L3MBTL4: variants seen among roughly 807,000 people sequenced by gnomAD.
L3MBTL4 encodes the protein lethal(3)malignant brain tumor-like protein 4.
In L3MBTL4, 70 loss-of-function variants were observed where a neutral mutation model predicts 84.5. That is an observed-to-expected ratio of 0.83 (90% CI 0.68 to 1.01). The LOEUF (loss-of-function observed/expected upper bound fraction) is 1.01. L3MBTL4 is among the 50% of genes least tolerant of loss of function. The probability of loss-of-function intolerance (pLI) is 0.00; values close to 1 mark genes in which losing one functional copy is unlikely to be tolerated. For synonymous variants in L3MBTL4, 274 were observed against 259.8 expected (o/e 1.05, Z -0.52); for missense variants, 715 against 754.8 (o/e 0.95, Z 0.62).
chr18:5,961,990 C>G (rs717844), intron 17 of L3MBTL4, among the ~76,000 whole-genome samples: 1 of 151,660 alleles, frequency 6.6e-6, no homozygotes, highest in Non-Finnish European at 1.5e-5. Context: ...ACTGTGCTGG[C>G]TATATATACT....
rs1555762326 is a variant in L3MBTL4 at position 6,405,616 on chromosome 18, A to AAACACAGGTGCTGGGCCCGAGGGCCCC, written c.-91+9184_-91+9185insGGGGCCCTCGGGCCCAGCACCTGTGTT. ...ATACAGGAAATGAGCCCGAGGGCCCACTAAACACAGGGGCTGGGCGCGAGG... is the reference window on the plus strand; with the variant it reads ...ATACAGGAAATGAGCCCGAGGGCCCAAACACAGGTGCTGGGCCCGAGGGCCCCCTAAACACAGGGGCTGGGCGCGAGG... On this transcript the variant is annotated intron_variant, in intron 1 of 18. Coordinates refer to ENST00000317931, the MANE Select transcript of L3MBTL4 (RefSeq NM_001330559.2). Among the ~76,000 whole-genome samples, 461 of 151,594 alleles carry AAACACAGGTGCTGGGCCCGAGGGCCCC rather than the reference A, an allele frequency of 3.0e-3. 4 individuals carry two copies. Among genetic ancestry groups the AAACACAGGTGCTGGGCCCGAGGGCCCC allele is most frequent in the African/African-American group, 0.01 (433 of 41,312 alleles).
At chr18:6,079,709 CT>C (rs893733946) in intron 16 of L3MBTL4, among the ~76,000 whole-genome samples, 19 of 151,440 alleles carry the variant, frequency 1.3e-4, no homozygotes, top group South Asian at 6.3e-4. Context: ...AACACTGGCA[CT>C]TTTTTTTTAA....
chr18:6,376,553 G>A (rs2144275856), intron 1 of L3MBTL4, among the ~76,000 whole-genome samples: 1 of 152,204 alleles, frequency 6.6e-6, no homozygotes, highest in Middle Eastern at 3.4e-3. Context: ...AGCCTGGGCT[G>A]GGGAGACCCC....
chr18:6,347,105 T>C (rs2052946512), intron 1 of L3MBTL4, among the ~76,000 whole-genome samples: 2 of 152,060 alleles, frequency 1.3e-5, no homozygotes, highest in African/African-American at 4.8e-5. Flanking sequence ...TCTCTTTATA[T>C]GTGAGATCCA....
At chr18:6,363,923 G>A (rs1196346060) in intron 1 of L3MBTL4, among the ~76,000 whole-genome samples, 3 of 151,478 alleles carry the variant, frequency 2.0e-5, no homozygotes, top group Non-Finnish European at 4.4e-5. Flanking sequence ...ATGCTCCCTC[G>A]ACATCTAACA....
chr18:6,256,691 T>C (rs2048155286), intron 5 of L3MBTL4: 1 of 152,012 alleles, frequency 6.6e-6, no homozygotes, highest in Admixed American at 6.5e-5. Flanking sequence ...GTGAATAAAG[T>C]TGGTGAGTCA....
At chr18:6,114,385 C>T (rs2059293601) in intron 14 of L3MBTL4, among the ~76,000 whole-genome samples, 1 of 152,242 alleles carries the variant, frequency 6.6e-6, no homozygotes, top group Non-Finnish European at 1.5e-5. Flanking sequence ...CTCTTTAGTA[C>T]TAAAACCCTG....
chr18:6,317,394 C>T (rs186104349), intron 1 of L3MBTL4, among the ~76,000 whole-genome samples: 4 of 151,562 alleles, frequency 2.6e-5, no homozygotes, highest in Admixed American at 6.6e-5. Context: ...TAAAGAGATA[C>T]ATATTTTAAA....
chr18:6,020,880 T>C lies in L3MBTL4; in HGVS notation c.1445-51318A>G, dbSNP rs189577632. Among the ~76,000 whole-genome samples the C allele has an allele frequency of 4.6e-5, 7 of 152,246 alleles. No homozygotes were observed. In the East Asian group the frequency reaches 1.4e-3, roughly 29 times the overall value. ...AAGCAGAGGAAGGTCAAGGTGGGGA[T>C]AGGAGCTGGAGACAGAACTTTGGAA... On this transcript the variant is annotated intron_variant, in intron 16 of 18. Coordinates refer to ENST00000317931, the MANE Select transcript of L3MBTL4 (RefSeq NM_001330559.2).
intron 1 of L3MBTL4, among the ~76,000 whole-genome samples, chr18:6,411,789 G>T (rs1033444143): frequency 6.6e-6 from 1 of 152,160 alleles, no homozygotes; most frequent in Non-Finnish European, 1.5e-5. Flanking sequence ...TCCAACATCA[G>T]AGTTTCTCTC....
chr18:6,295,072 G>A (rs1394821660), intron 4 of L3MBTL4, among the ~76,000 whole-genome samples: 1 of 152,034 alleles, frequency 6.6e-6, no homozygotes, highest in African/African-American at 2.4e-5. Flanking sequence ...AAGAGTTTGA[G>A]ACCAGGCTGG....
At chr18:6,333,844 T>C (rs1441417448) in intron 1 of L3MBTL4, among the ~76,000 whole-genome samples, 1 of 152,166 alleles carries the variant, frequency 6.6e-6, no homozygotes, top group African/African-American at 2.4e-5. Context: ...AAATATCAAA[T>C]ATTAATATGC....
intron 4 of L3MBTL4, among the ~76,000 whole-genome samples, chr18:6,287,492 T>G (rs2049648466): frequency 6.6e-6 from 1 of 152,198 alleles, no homozygotes; most frequent in Admixed American, 6.5e-5. Flanking sequence ...CCTCAGCTAT[T>G]CTGGCATACT....
intron 10 of L3MBTL4, among the ~76,000 whole-genome samples, chr18:6,236,481 C>T (rs1288076171): frequency 6.6e-6 from 1 of 152,192 alleles, no homozygotes; most frequent in East Asian, 1.9e-4. Flanking sequence ...GAGACTTACA[C>T]ACTGAGCCTA....
intron 16 of L3MBTL4, chr18:6,029,434 GA>G (rs1568003026): frequency 2.1e-6 from 2 of 958,430 alleles, no homozygotes; most frequent in Non-Finnish European, 2.5e-6. Flanking sequence ...ATAATTACAT[GA>G]AAAAAATTAC....
intron 1 of L3MBTL4, among the ~76,000 whole-genome samples, chr18:6,361,068 G>T (rs1321656325): frequency 6.7e-6 from 1 of 149,700 alleles, no homozygotes; most frequent in Non-Finnish European, 1.5e-5. Flanking sequence ...AAGTAATAAT[G>T]ATGATTATAA....
In L3MBTL4 at chr18:6,272,846, C is replaced by T. The variant is rs1280065864; in HGVS notation, c.128-8808G>A. On this transcript the variant is annotated intron_variant, in intron 4 of 18. Transcript: ENST00000317931. ...AAACTGGTGGTTCTACAGAGTGGTG[C>T]CTTCAGGAGCATGGGGAAAGGGGGA... 4.2e-5 allele frequency among the ~76,000 whole-genome samples: 5 copies of T among 117,778 alleles called. 1 individual carries two copies. The highest frequency in any genetic ancestry group is 8.2e-5 in the Admixed American group (1 of 12,206). 77.3% of individuals were successfully genotyped at this position (117,778 alleles called of 152,430 possible).
Position 6,214,860 on chromosome 18 carries a change from CA to C in L3MBTL4, c.870+889del, listed in dbSNP as rs138959176. Among the ~76,000 whole-genome samples, 187 of 152,278 alleles carry C rather than the reference CA, an allele frequency of 1.2e-3. 5 individuals carry two copies. The East Asian group carries it at 0.032, about 26-fold the overall frequency. On this transcript the variant is annotated intron_variant, in intron 11 of 18. Transcript: ENST00000317931. ...ACTTTTCAGAATTTTATTTTCTTGT[CA>C]TTTTCCTCTTGGAAAAGTCAAGTAC...
At chr18:6,270,108 C>T (rs796849634) in intron 4 of L3MBTL4, among the ~76,000 whole-genome samples, 21 of 152,300 alleles carry the variant, frequency 1.4e-4, no homozygotes, top group African/African-American at 5.1e-4. Context: ...GGCAACCAAC[C>T]ACACTGTTAT....
Sources: gnomAD v4.1 joint callset for allele counts (sites outside exome capture counted in the v4.1 genomes callset) on GRCh38, gnomAD v4.1.1 for gene constraint, MANE v1.5 for transcripts, NCBI Gene and HGNC (gene_info 2026-07-23, HGNC 2026-07-21) for gene names.